The following SLC23A2 variants were observed in gnomAD, a reference collection of about 807,000 sequenced individuals.
SLC23A2 encodes the protein solute carrier family 23 member 2.
A neutral mutation model predicts 73.3 loss-of-function variants in SLC23A2; 36 were observed. The ratio of observed to expected loss-of-function variants is 0.49; its 90% CI spans 0.38 to 0.65. SLC23A2 has a LOEUF of 0.65. Ranked by LOEUF, SLC23A2 falls within the 30% of genes least tolerant of loss-of-function variation. The pLI is 0.00. For missense variants in SLC23A2, 507 were observed against 841.6 expected (o/e 0.60, Z 4.92); for synonymous variants, 343 against 327.3 (o/e 1.05, Z -0.52).
At chr20:5,009,822 G>A (rs935037659) in intron 1 of SLC23A2, among the ~76,000 whole-genome samples, 1 of 152,174 alleles carries the variant, frequency 6.6e-6, no homozygotes, top group African/African-American at 2.4e-5. Context: ...TGGGCCAGGC[G>A]CGGTGGCTCA....
intron 2 of SLC23A2, among the ~76,000 whole-genome samples, chr20:4,935,426 C>T (rs1252261912): frequency 2.0e-5 from 3 of 152,244 alleles, no homozygotes; most frequent in East Asian, 3.9e-4. Flanking sequence ...TTCATCACAA[C>T]TCTGCTGTTT....
At chr20:4,966,564 T>C (rs553844942) in intron 2 of SLC23A2, among the ~76,000 whole-genome samples, 3 of 152,280 alleles carry the variant, frequency 2.0e-5, no homozygotes, top group African/African-American at 4.8e-5. Context: ...TAACTTTATA[T>C]TGATTGTGTT....
chr20:4,935,968 C>T (rs747118144), intron 2 of SLC23A2, among the ~76,000 whole-genome samples: 1 of 152,116 alleles, frequency 6.6e-6, no homozygotes, highest in Admixed American at 6.5e-5. Flanking sequence ...TTATGTCCTT[C>T]GCCTATTTTC....
chr20:4,997,127 C>A (rs1326438051), intron 1 of SLC23A2, among the ~76,000 whole-genome samples: 1 of 152,164 alleles, frequency 6.6e-6, no homozygotes, highest in African/African-American at 2.4e-5. Flanking sequence ...AGTCTCCCCT[C>A]AGCCCTGCAT....
chr20:4,989,247 A>AG (rs1445202468), intron 1 of SLC23A2, among the ~76,000 whole-genome samples: 1 of 151,768 alleles, frequency 6.6e-6, no homozygotes, highest in Non-Finnish European at 1.5e-5. Flanking sequence ...AAAAAAAAAA[A>AG]AAAGAAAAAG....
intron 6 of SLC23A2, among the ~76,000 whole-genome samples, chr20:4,887,011 G>A (rs1378189075): frequency 1.3e-5 from 2 of 152,210 alleles, no homozygotes; most frequent in Admixed American, 6.5e-5. Flanking sequence ...ACACCATTCT[G>A]AGCCAGTGAG....
At chr20:4,933,332 A>C (rs762664823) in intron 2 of SLC23A2, among the ~76,000 whole-genome samples, 11 of 152,130 alleles carry the variant, frequency 7.2e-5, no homozygotes, top group Non-Finnish European at 1.0e-4. Flanking sequence ...TGCCAGGCGC[A>C]GTGGCTCATA....
At chr20:4,920,363 G>A (rs1932463006) in intron 3 of SLC23A2, among the ~76,000 whole-genome samples, 1 of 152,168 alleles carries the variant, frequency 6.6e-6, no homozygotes, top group Non-Finnish European at 1.5e-5. Context: ...TTTACACATT[G>A]CTGACGAAAT....
intron 4 of SLC23A2, among the ~76,000 whole-genome samples, chr20:4,910,165 G>C (rs997053534): frequency 8.6e-5 from 13 of 151,990 alleles, no homozygotes; most frequent in African/African-American, 3.1e-4. Context: ...CTGAGGTCAG[G>C]AGTTTGAGAC....
chr20:4,940,887 G>T (rs1036331171), intron 2 of SLC23A2, among the ~76,000 whole-genome samples: 2 of 152,214 alleles, frequency 1.3e-5, no homozygotes, highest in Non-Finnish European at 2.9e-5. Flanking sequence ...CAGGTACGGT[G>T]GCTCACGCCT....
intron 1 of SLC23A2, among the ~76,000 whole-genome samples, chr20:4,978,398 G>A (rs1485664031): frequency 6.6e-6 from 1 of 152,144 alleles, no homozygotes; most frequent in African/African-American, 2.4e-5. Flanking sequence ...GAGTGATCAC[G>A]ATTAGATAAT....
intron 4 of SLC23A2, among the ~76,000 whole-genome samples, chr20:4,904,311 A>C (rs140973876): frequency 6.6e-6 from 1 of 152,314 alleles, no homozygotes; most frequent in African/African-American, 2.4e-5. Flanking sequence ...GGGTGTTATC[A>C]CATATCACTG....
intron 2 of SLC23A2, among the ~76,000 whole-genome samples, chr20:4,936,408 G>C (rs2086962329): frequency 6.6e-6 from 1 of 152,146 alleles, no homozygotes; most frequent in African/African-American, 2.4e-5. Flanking sequence ...CATGTCAGCA[G>C]AGCTTTCAAA....
Position 4,862,785 on chromosome 20 carries a change from C to T in SLC23A2, c.1479G>A (p.Thr493=), listed in dbSNP as rs144002883. 21 of 1,612,374 alleles carry T rather than the reference C, an allele frequency of 1.3e-5. No individual in the cohort carries two copies. The highest frequency in any genetic ancestry group is 6.7e-5 in the African/African-American group (5 of 74,938). Residue 493 remains threonine (T), a synonymous_variant, in exon 14 of 17, where the codon ACG becomes ACA. Coordinates refer to ENST00000338244, the MANE Select transcript of SLC23A2 (RefSeq NM_005116.6). The surrounding 1 kb of genome is among the most constrained non-coding windows in gnomAD (Gnocchi z 5.1). ...CAGAGAGGGGAGTCTTACCAAAGAG[C>T]GTGCAGAACAGGGCTCCCAGCACAG... ...PDPVLGALFC[T]LFGMITAVGL... is the part of the protein sequence containing the mutation.
chr20:4,915,561 G>A (rs1308252569), intron 3 of SLC23A2, among the ~76,000 whole-genome samples: 3 of 152,158 alleles, frequency 2.0e-5, no homozygotes, highest in Non-Finnish European at 4.4e-5. Context: ...CAATTCATGT[G>A]TTTTTGTAGT....
intron 4 of SLC23A2, among the ~76,000 whole-genome samples, chr20:4,907,750 G>GA (rs1221456026): frequency 1.3e-5 from 2 of 151,878 alleles, no homozygotes; most frequent in Non-Finnish European, 2.9e-5. Context: ...AAAGAAATAA[G>GA]AAAAATTTAA....
intron 1 of SLC23A2, among the ~76,000 whole-genome samples, chr20:4,995,811 A>T (rs1046900468): frequency 2.0e-5 from 3 of 152,158 alleles, no homozygotes; most frequent in African/African-American, 7.2e-5. Flanking sequence ...AAAAGCGTTA[A>T]TACCCAGCCC....
chr20:4,878,436 T>C (rs1405771994), intron 9 of SLC23A2, among the ~76,000 whole-genome samples: 2 of 152,218 alleles, frequency 1.3e-5, no homozygotes, highest in Non-Finnish European at 2.9e-5. Flanking sequence ...TCTGCCCACC[T>C]TGGCCTCCTA....
At chr20:4,873,718 G>A (rs1280958542) in intron 11 of SLC23A2, among the ~76,000 whole-genome samples, 2 of 152,216 alleles carry the variant, frequency 1.3e-5, no homozygotes, top group Admixed American at 6.5e-5. Flanking sequence ...AAAAGAGACA[G>A]CTCGCTAATG....
Sources: gnomAD v4.1 joint callset for allele counts (sites outside exome capture counted in the v4.1 genomes callset) on GRCh38, gnomAD v4.1.1 for gene constraint, Gnocchi (gnomAD v3.1) non-coding constraint, MANE v1.5 for transcripts, NCBI Gene and HGNC (gene_info 2026-07-23, HGNC 2026-07-21) for gene names.